Variants in MTRF1 observed in about 807,000 individuals in gnomAD.
MTRF1 encodes mitochondrial translation release factor 1, also known as peptide chain release factor 1, mitochondrial.
MTRF1 carries 51 observed loss-of-function variants against 62.9 expected under a neutral mutation model. The ratio of observed to expected loss-of-function variants is 0.81; its 90% CI spans 0.65 to 1.02. The LOEUF (loss-of-function observed/expected upper bound fraction) is 1.02, where lower values mean the gene tolerates loss of function less well. Ranked by LOEUF, MTRF1 falls within the 50% of genes least tolerant of loss-of-function variation. The pLI is 0.00. For synonymous variants in MTRF1, 158 were observed against 181.9 expected (o/e 0.87, Z 1.06); for missense variants, 446 against 530.0 (o/e 0.84, Z 1.56).
At chr13:41,217,256 C>A (rs760194402) in intron 9 of MTRF1, 28 bp from the exon 10 acceptor site, 3 of 1,288,710 alleles carry the variant, frequency 2.3e-6, no homozygotes, top group Non-Finnish European at 3.3e-6. Flanking sequence ...TATTATGAAA[C>A]CTAATGATTA....
At chr13:41,292,029 A>G in the MTRF1 span, among the ~76,000 whole-genome samples, 1 of 152,244 alleles carries the variant, frequency 6.6e-6, no homozygotes, top group African/African-American at 2.4e-5. Flanking sequence ...TCTCTGTTCA[A>G]TACAAAAGTT....
chr13:41,262,500 T>A (rs994536998), intron 1 of MTRF1: 3 of 152,164 alleles, frequency 2.0e-5, no homozygotes, highest in Admixed American at 6.5e-5. Context: ...AAAAAAAGAT[T>A]AGTTTAAAAA....
chr13:41,246,146 G>A (rs769825981), intron 5 of MTRF1, among the ~76,000 whole-genome samples: 12 of 152,242 alleles, frequency 7.9e-5, no homozygotes, highest in Non-Finnish European at 7.4e-5. Context: ...GTTATGAGAG[G>A]GTTCTCCAGT....
the MTRF1 span, among the ~76,000 whole-genome samples, chr13:41,295,886 A>G: frequency 6.6e-6 from 1 of 152,058 alleles, no homozygotes; most frequent in Non-Finnish European, 1.5e-5. Context: ...TGATCCTCCC[A>G]CCTCAGCCTC....
At chr13:41,225,209 C>CA (rs11461910) in intron 8 of MTRF1, among the ~76,000 whole-genome samples, 71,112 of 116,068 alleles carry the variant, frequency 0.61, 20,998 homozygotes, top group South Asian at 0.67. Context: ...GAATCTGTCT[C>CA]AAAAAAAAAA....
At chr13:41,231,999 G>A (rs2035667912) in intron 7 of MTRF1, among the ~76,000 whole-genome samples, 1 of 151,922 alleles carries the variant, frequency 6.6e-6, no homozygotes, top group Admixed American at 6.6e-5. Context: ...CTGAGCCTGG[G>A]AAAGTCACAG....
intron 2 of MTRF1, among the ~76,000 whole-genome samples, chr13:41,259,712 A>AAAAAAAAAAAAAAAAAAAAAC (rs1555268029): frequency 7.3e-6 from 1 of 136,714 alleles, no homozygotes; most frequent in African/African-American, 2.8e-5. Context: ...AAAAAAAAAA[A>AAAAAAAAAAAAAAAAAAAAAC]AAAAAAAAAC....
intron 9 of MTRF1, among the ~76,000 whole-genome samples, chr13:41,220,333 A>AAC (rs1378852506): frequency 4.0e-4 from 61 of 151,682 alleles, no homozygotes; most frequent in Non-Finnish European, 7.4e-4. Flanking sequence ...GGAAAAAAAA[A>AAC]AAAAAAAAAA....
In MTRF1 at chr13:41,260,517, C is replaced by T. The variant is rs575224415; in HGVS notation, c.391G>A (p.Glu131Lys). The stretch of plus-strand genomic sequence containing the variant: ...CTTTTACACATTGATTCTAATTCTT[C>T]AATTGCTTGTTCAGTCTCCTGAATT... ...QEIQETEQAIEELESMCKSLN... is the reference protein window; with the variant it reads ...QEIQETEQAIKELESMCKSLN... Residue 131 changes from glutamate (E) to lysine (K), a missense_variant, in exon 2 of 10, where the codon GAA becomes AAA. Transcript: ENST00000379480. The T allele has an allele frequency of 6.2e-7, 1 of 1,612,992 alleles. No individual in the cohort carries two copies. The highest frequency in any genetic ancestry group is 8.5e-7 in the Non-Finnish European group (1 of 1,179,414).
chr13:41,256,946 A>C (rs1336312402), intron 2 of MTRF1, among the ~76,000 whole-genome samples: 3 of 152,198 alleles, frequency 2.0e-5, no homozygotes, highest in Non-Finnish European at 4.4e-5. Flanking sequence ...GCTGAGGTTA[A>C]GACAGTTACA....
intron 6 of MTRF1, chr13:41,236,144 T>A (rs921570399): frequency 6.6e-6 from 1 of 152,128 alleles, no homozygotes; most frequent in Non-Finnish European, 1.5e-5. Flanking sequence ...ACAAGAGTCT[T>A]GCTTTATTGC....
At chr13:41,233,793 G>T in intron 7 of MTRF1, 97 bp downstream of exon 7, 1 of 915,392 alleles carries the variant, frequency 1.1e-6, no homozygotes, top group Non-Finnish European at 1.8e-6. Flanking sequence ...TTAAAGAGCT[G>T]TGCAAGGAAC....
chr13:41,268,258 C>T (rs143838332), upstream of MTRF1, among the ~76,000 whole-genome samples: 360 of 152,216 alleles, frequency 2.4e-3, 2 homozygotes, highest in Middle Eastern at 6.8e-3. Context: ...GACAATGCTT[C>T]CTGTGTAATT....
At chr13:41,248,150 G>T (rs1593915574) in intron 5 of MTRF1, among the ~76,000 whole-genome samples, 2 of 152,224 alleles carry the variant, frequency 1.3e-5, no homozygotes, top group South Asian at 4.2e-4. Context: ...AGGTACTGTG[G>T]GTCTGGAAAT....
chr13:41,240,246 T>G lies in MTRF1; in HGVS notation c.870+15A>C, dbSNP rs777337720. Reference sequence around the variant, plus strand: ...TGACATGGAGTGAGTTTCCCTTGCCTCCTCCTGAGGTTACCTCATCTGGCT... The same window carrying G: ...TGACATGGAGTGAGTTTCCCTTGCCGCCTCCTGAGGTTACCTCATCTGGCT... On this transcript the variant is annotated intron_variant, in intron 6 of 9. Transcript: ENST00000379480. 8.8e-6 allele frequency: 14 copies of G among 1,589,754 alleles called. No homozygotes were observed. The highest frequency in any genetic ancestry group is 1.2e-5 in the Non-Finnish European group (14 of 1,165,520).
chr13:41,218,419 C>G (rs889141625), intron 9 of MTRF1, among the ~76,000 whole-genome samples: 1 of 151,688 alleles, frequency 6.6e-6, no homozygotes, highest in African/African-American at 2.4e-5. Flanking sequence ...CCACTGTGCC[C>G]AGCTGACCCA....
At chr13:41,230,889 AT>A (rs1473273184) in intron 7 of MTRF1, among the ~76,000 whole-genome samples, 1 of 151,634 alleles carries the variant, frequency 6.6e-6, no homozygotes, top group Non-Finnish European at 1.5e-5. Context: ...CACCCAGCTA[AT>A]TTTTTTGTAT....
At chr13:41,298,007 T>C in the MTRF1 span, among the ~76,000 whole-genome samples, 1 of 152,212 alleles carries the variant, frequency 6.6e-6, no homozygotes, top group Non-Finnish European at 1.5e-5. Context: ...TCTTATCTTT[T>C]AATTCTAAAT....
the MTRF1 span, chr13:41,311,280 A>ACCGCCG: frequency 3.1e-4 from 169 of 548,718 alleles, 1 homozygote; most frequent in South Asian, 3.5e-3. Context: ...GTGCGCGGGA[A>ACCGCCG]CCGCCGCCGC....
Sources: gnomAD v4.1 joint callset for allele counts (sites outside exome capture counted in the v4.1 genomes callset) on GRCh38, gnomAD v4.1.1 for gene constraint, MANE v1.5 for transcripts, NCBI Gene and HGNC (gene_info 2026-07-23, HGNC 2026-07-21) for gene names.